ZNF831: variants seen among roughly 807,000 people sequenced by gnomAD.
The protein encoded by ZNF831 is zinc finger protein 831.
Under a neutral mutation model 95.8 loss-of-function variants are expected in ZNF831, and 59 were observed. The ratio of observed to expected loss-of-function variants is 0.62; its 90% CI spans 0.50 to 0.77. ZNF831 has a LOEUF of 0.77. Ranked by LOEUF, ZNF831 falls within the 30% of genes least tolerant of loss-of-function variation. The probability of loss-of-function intolerance (pLI) is 0.00; values close to 1 mark genes in which losing one functional copy is unlikely to be tolerated. For synonymous variants in ZNF831, 961 were observed against 925.5 expected, an observed-to-expected ratio of 1.04 and a Z score of -0.70; for missense variants, 2,205 against 2,164.0, an observed-to-expected ratio of 1.02 and a Z score of -0.38.
intron 1 of ZNF831, among the ~76,000 whole-genome samples, chr20:59,181,654 G>C (rs567605638): frequency 1.7e-3 from 265 of 152,078 alleles, no homozygotes; most frequent in African/African-American, 6.2e-3. Flanking sequence ...TTTTTGTCAG[G>C]TTTGTCGAAG....
At position 59,254,939 on chromosome 20, in the gene ZNF831, G is replaced by C. The variant is rs900773019; in HGVS notation, c.*196G>C. 1 of 659,210 alleles carries C rather than the reference G, an allele frequency of 1.5e-6. No homozygotes were observed. The highest frequency in any genetic ancestry group is 2.5e-6 in the Non-Finnish European group (1 of 402,078). 40.8% of individuals were successfully genotyped at this position (659,210 alleles called of 1,614,324 possible). A position where few individuals can be genotyped will look rare whatever the true frequency, so the allele number is the denominator to read the frequency against. Reference sequence around the variant, plus strand: ...GCCGCAGCGTTCCCCAGCTCCCCTTGGGAGTGCTCTGCTCATCTTCAAATG... The same window carrying C: ...GCCGCAGCGTTCCCCAGCTCCCCTTCGGAGTGCTCTGCTCATCTTCAAATG... On this transcript the variant is annotated 3_prime_UTR_variant, in exon 6 of 6. Transcript: ENST00000371030. This position sits in a 1 kb window ranked among gnomAD's most constrained non-coding sequence, Gnocchi z 4.5.
intron 4 of ZNF831, among the ~76,000 whole-genome samples, chr20:59,220,129 C>T (rs8114921): frequency 6.6e-6 from 1 of 152,052 alleles, no homozygotes; most frequent in African/African-American, 2.4e-5. Context: ...GTTGGAAGAC[C>T]CCCTTCTCAG....
At chr20:59,247,305 A>G (rs187916347) in intron 4 of ZNF831, among the ~76,000 whole-genome samples, 13 of 152,080 alleles carry the variant, frequency 8.5e-5, no homozygotes, top group Admixed American at 7.9e-4. Flanking sequence ...CTTTCATGCT[A>G]TTTACTATAT....
At chr20:59,253,328 G>C (rs893953426) in intron 5 of ZNF831, among the ~76,000 whole-genome samples, 190 bp downstream of exon 5, 1 of 152,106 alleles carries the variant, frequency 6.6e-6, no homozygotes, top group African/African-American at 2.4e-5. Flanking sequence ...AGCTTTGGTA[G>C]TGCAAACATT....
chr20:59,168,291 C>G lies in ZNF831; in HGVS notation c.-37+4084C>G, dbSNP rs376498279. ...CATCAGTGTTTTGTAGTTTTCAGTG[C>G]GTAAGTCTTGTACATGTTTTATTAG... On this transcript the variant is annotated intron_variant, in intron 1 of 5. Transcript: ENST00000371030. Among the ~76,000 whole-genome samples the G allele has an allele frequency of 5.9e-5, 9 of 152,092 alleles. No homozygotes were observed. The East Asian group carries it at 7.7e-4, about 13-fold the overall frequency.
At chr20:59,128,385 C>G (rs1426969185) in intron 1 of ZNF831, among the ~76,000 whole-genome samples, 1 of 152,152 alleles carries the variant, frequency 6.6e-6, no homozygotes, top group East Asian at 1.9e-4. Flanking sequence ...CCAGTCATTC[C>G]TAGAAGGGAC....
chr20:59,237,433 G>A (rs910669983), intron 4 of ZNF831, among the ~76,000 whole-genome samples: 6 of 152,106 alleles, frequency 3.9e-5, no homozygotes, highest in African/African-American at 1.4e-4. Context: ...TACAACCTCT[G>A]CCTCCCAGGT....
chr20:59,150,860 C>T (rs942900746), intron 2 of ZNF831, among the ~76,000 whole-genome samples: 12 of 152,198 alleles, frequency 7.9e-5, no homozygotes, highest in African/African-American at 2.4e-4. Flanking sequence ...GCATAGTACT[C>T]GCTGGCTGTG....
At chr20:59,253,866 C>G (rs1988031564) in intron 5 of ZNF831, 32 bp from the exon 6 acceptor site, 2 of 1,139,068 alleles carry the variant, frequency 1.8e-6, no homozygotes, top group African/African-American at 1.8e-5. Context: ...ACCTCCCCCC[C>G]CACTTTTTTT....
chr20:59,125,176 TG>T (rs1449308202), intron 1 of ZNF831, among the ~76,000 whole-genome samples: 13 of 152,208 alleles, frequency 8.5e-5, no homozygotes, highest in African/African-American at 3.1e-4. Flanking sequence ...GCTTGCACAC[TG>T]GGGATGCAAG....
chr20:59,242,221 CTAT>C (rs1165576976), intron 4 of ZNF831, among the ~76,000 whole-genome samples: 1 of 152,188 alleles, frequency 6.6e-6, no homozygotes, highest in Non-Finnish European at 1.5e-5. Context: ...TTCTTCCCAG[CTAT>C]TATTATTGAA....
rs189042954 is a variant in ZNF831 at position 59,244,279 on chromosome 20, T to A, written c.4028-8699T>A. Among the ~76,000 whole-genome samples the A allele has an allele frequency of 2.8e-3, 432 of 152,090 alleles. 1 individual carries two copies. Among genetic ancestry groups the A allele is most frequent in the Non-Finnish European group, 4.7e-3 (321 of 67,972 alleles). On this transcript the variant is annotated intron_variant, in intron 4 of 5. Coordinates refer to ENST00000371030, the MANE Select transcript of ZNF831 (RefSeq NM_178457.3). ...TAGATTTGGCTAGAGGTGGAAAAAA[T>A]ATATTTTTCTCTTCCTTTCATGAAT... is the stretch of plus-strand genomic sequence containing the variant.
upstream of ZNF831, among the ~76,000 whole-genome samples, chr20:59,162,967 G>A (rs1056436431): frequency 1.3e-5 from 2 of 151,054 alleles, no homozygotes; most frequent in African/African-American, 2.4e-5. Flanking sequence ...GTATTTTGTA[G>A]TTCTCCTTGT....
chr20:59,227,111 G>A (rs1170665328), intron 4 of ZNF831, among the ~76,000 whole-genome samples: 2 of 152,144 alleles, frequency 1.3e-5, no homozygotes, highest in Non-Finnish European at 2.9e-5. Context: ...GACTAAATTT[G>A]TGTTAAAGGT....
At chr20:59,187,169 A>G (rs1983117263) in intron 1 of ZNF831, among the ~76,000 whole-genome samples, 1 of 152,142 alleles carries the variant, frequency 6.6e-6, no homozygotes, top group Admixed American at 6.5e-5. Context: ...AATCCTTAGC[A>G]GTGGTGAGCT....
rs1197298356 is a variant in ZNF831 at position 59,252,961 on chromosome 20, T to C, written c.4028-17T>C. On this transcript the variant is annotated splice_polypyrimidine_tract_variant and intron_variant, in intron 4 of 5. Coordinates refer to ENST00000371030, the MANE Select transcript of ZNF831 (RefSeq NM_178457.3). ...TTATAATTCCAGTCATATGTAAATG[T>C]GCCTCTCCCCTTGCAGGTCTGAATC... The C allele has an allele frequency of 6.2e-7, 1 of 1,610,640 alleles. No homozygotes were observed. Among genetic ancestry groups the C allele is most frequent in the East Asian group, 2.2e-5 (1 of 44,862 alleles).
intron 4 of ZNF831, among the ~76,000 whole-genome samples, chr20:59,234,355 G>GT (rs11480105): frequency 0.6 from 91,083 of 152,034 alleles, 28,299 homozygotes; most frequent in East Asian, 0.86. Context: ...ATGCTCCCCT[G>GT]TGTGGGCCTG....
intron 5 of ZNF831, 41 bp from the exon 6 acceptor site, chr20:59,253,857 C>A: frequency 8.4e-7 from 1 of 1,183,604 alleles, no homozygotes; most frequent in South Asian, 1.6e-5. Flanking sequence ...TACCAATTAA[C>A]CTCCCCCCCC....
intron 1 of ZNF831, among the ~76,000 whole-genome samples, chr20:59,187,116 A>T: frequency 6.6e-6 from 1 of 152,126 alleles, no homozygotes; most frequent in East Asian, 1.9e-4. Flanking sequence ...AGCACATCCC[A>T]CATAAATGGC....
Sources: gnomAD v4.1 joint callset for allele counts (sites outside exome capture counted in the v4.1 genomes callset) on GRCh38, gnomAD v4.1.1 for gene constraint, Gnocchi (gnomAD v3.1) non-coding constraint, MANE v1.5 for transcripts, NCBI Gene and HGNC (gene_info 2026-07-23, HGNC 2026-07-21) for gene names.